NUP50: variants seen among roughly 807,000 people sequenced by gnomAD.
NUP50 encodes nuclear pore complex protein Nup50.
In NUP50, 14 loss-of-function variants were observed where a neutral mutation model predicts 36.8. The ratio of observed to expected loss-of-function variants is 0.38; its 90% CI spans 0.25 to 0.59. The LOEUF is 0.59. NUP50 is among the 20% of genes least tolerant of loss of function. The pLI, the probability that NUP50 is intolerant of heterozygous loss-of-function variation, is 0.63. For synonymous variants in NUP50, 195 were observed against 210.8 expected (o/e 0.93, Z 0.65); for missense variants, 455 against 564.6 (o/e 0.81, Z 1.97).
chr22:45,170,121 C>T lies in NUP50; in HGVS notation c.70-1479C>T, dbSNP rs569216629. On this transcript the variant is annotated intron_variant, in intron 2 of 7. Transcript: ENST00000347635. ...GGGAAGGGCCCCTGTCCCATGATCA[C>T]GTGACTTGCTTGACCTTGTCAATCC... is the stretch of plus-strand genomic sequence containing the variant. Among the ~76,000 whole-genome samples, 23 of 152,302 alleles carry T rather than the reference C, an allele frequency of 1.5e-4. 1 individual carries two copies. Among genetic ancestry groups the T allele is most frequent in the Admixed American group, 1.3e-3 (20 of 15,288 alleles).
At chr22:45,181,718 G>A (rs1569056151) in intron 6 of NUP50, among the ~76,000 whole-genome samples, 1 of 151,836 alleles carries the variant, frequency 6.6e-6, no homozygotes, top group Admixed American at 6.6e-5. Flanking sequence ...CAAAGAAATC[G>A]CAGAGTCAGT....
chr22:45,170,353 C>T (rs1045481964), intron 2 of NUP50, among the ~76,000 whole-genome samples: 3 of 152,124 alleles, frequency 2.0e-5, no homozygotes, highest in Admixed American at 6.5e-5. Context: ...CCGCAAAGCC[C>T]AGTAGGGCTG....
intron 5 of NUP50, 109 bp downstream of exon 5, chr22:45,179,009 G>A: frequency 9.6e-7 from 1 of 1,046,174 alleles, no homozygotes; most frequent in South Asian, 1.7e-5. Context: ...TTGAGACGTT[G>A]TTCTCTCCAT....
intron 1 of NUP50, among the ~76,000 whole-genome samples, chr22:45,167,244 G>A (rs905651280): frequency 2.0e-5 from 3 of 152,208 alleles, no homozygotes; most frequent in South Asian, 2.1e-4. Flanking sequence ...GTTTTTGGGC[G>A]AGGTGGGTAG....
At chr22:45,182,142 T>TA (rs1003923420) in intron 6 of NUP50, among the ~76,000 whole-genome samples, 5 of 152,028 alleles carry the variant, frequency 3.3e-5, no homozygotes, top group African/African-American at 1.2e-4. Flanking sequence ...TTTTTTTTTT[T>TA]AATTAGAATC....
chr22:45,182,564 G>A (rs980827693), intron 6 of NUP50, among the ~76,000 whole-genome samples: 32 of 146,728 alleles, frequency 2.2e-4, no homozygotes, highest in Admixed American at 1.2e-3. Context: ...ACCCAAGAAT[G>A]TTTTCCAAAT....
At chr22:45,169,808 G>C (rs934337345) in intron 2 of NUP50, among the ~76,000 whole-genome samples, 2 of 152,222 alleles carry the variant, frequency 1.3e-5, no homozygotes, top group African/African-American at 4.8e-5. Context: ...ACTTGGAGGA[G>C]TCAGGGAACA....
intron 3 of NUP50, among the ~76,000 whole-genome samples, chr22:45,173,915 A>G (rs1464647649): frequency 6.6e-6 from 1 of 152,218 alleles, no homozygotes; most frequent in African/African-American, 2.4e-5. Context: ...TGAAGTTTTC[A>G]TATATTAGGA....
At chr22:45,173,076 C>T (rs1156890622) in intron 3 of NUP50, among the ~76,000 whole-genome samples, 2 of 152,086 alleles carry the variant, frequency 1.3e-5, no homozygotes, top group African/African-American at 2.4e-5. Flanking sequence ...CATTTCCTGA[C>T]GTTGTAAAAG....
At position 45,187,201 on chromosome 22, in the gene NUP50, C is replaced by G. The variant is rs183069900; in HGVS notation, c.*2546C>G. 247 of 144,692 alleles carry G rather than the reference C, an allele frequency of 1.7e-3. 3 individuals are homozygous for G. The highest frequency in any genetic ancestry group is 5.3e-3 in the African/African-American group (207 of 39,178). 9.0% of individuals were successfully genotyped at this position (144,692 alleles called of 1,614,324 possible). On this transcript the variant is annotated 3_prime_UTR_variant, in exon 8 of 8. Transcript: ENST00000347635. The stretch of plus-strand genomic sequence containing the variant: ...TTTTTTTTAAAACCTGTGTATCCAT[C>G]TCATCCTTTTGCGCATTCCTAGTAA...
intron 4 of NUP50, among the ~76,000 whole-genome samples, chr22:45,176,287 C>T (rs776033440): frequency 1.8e-4 from 27 of 152,252 alleles, no homozygotes; most frequent in Non-Finnish European, 3.1e-4. Flanking sequence ...AACATCTCAG[C>T]TTTGTTCTCA....
chr22:45,185,511 G>C lies in NUP50; in HGVS notation c.*856G>C, dbSNP rs1168442416. The C allele has an allele frequency of 6.6e-6, 1 of 152,064 alleles. No homozygotes were observed. The highest frequency in any genetic ancestry group is 1.5e-5 in the Non-Finnish European group (1 of 68,010). The allele number at this position is 152,064 out of a possible 1,614,324, so 9.4% of individuals were successfully genotyped here. A position where few individuals can be genotyped will look rare whatever the true frequency, so the allele number is the denominator to read the frequency against. On this transcript the variant is annotated 3_prime_UTR_variant, in exon 8 of 8. Coordinates refer to ENST00000347635, the MANE Select transcript of NUP50 (RefSeq NM_007172.4). ...GAGAAAAAGATGCGCATAGGCATTT[G>C]TACCATGATCAACCCCACGCACATG... is the stretch of plus-strand genomic sequence containing the variant.
At chr22:45,171,571 A>G (rs555395729) in intron 2 of NUP50, 29 bp from the exon 3 acceptor site, 1 of 1,586,670 alleles carries the variant, frequency 6.3e-7, no homozygotes, top group Admixed American at 1.7e-5. Context: ...GCTTTATCTT[A>G]CTGCTGCTTA....
intron 2 of NUP50, among the ~76,000 whole-genome samples, chr22:45,170,814 C>CAT (rs1476915038): frequency 6.6e-6 from 1 of 152,198 alleles, no homozygotes; most frequent in Non-Finnish European, 1.5e-5. Flanking sequence ...CCCATTCGAA[C>CAT]ATATGCCAAT....
At chr22:45,183,582 CT>C in intron 7 of NUP50, 62 bp downstream of exon 7, 1 of 1,027,626 alleles carries the variant, frequency 9.7e-7, no homozygotes, top group Non-Finnish European at 1.5e-6. Context: ...AGCGTTTACC[CT>C]GCTGACTCAA....
At chr22:45,166,674 A>G (rs1409862742) in intron 1 of NUP50, among the ~76,000 whole-genome samples, 1 of 140,130 alleles carries the variant, frequency 7.1e-6, no homozygotes, top group Non-Finnish European at 1.5e-5. Context: ...ATGAGTAGGA[A>G]AATTGCCAAA....
At chr22:45,168,042 CT>C (rs1258381584) in intron 1 of NUP50, 125 bp from the exon 2 acceptor site, 32 of 707,696 alleles carry the variant, frequency 4.5e-5, no homozygotes, top group Non-Finnish European at 6.4e-5. Context: ...TTTCCAGATG[CT>C]TTTTTTCCCT....
chr22:45,179,622 C>A (rs889991066), intron 5 of NUP50, among the ~76,000 whole-genome samples: 2 of 152,226 alleles, frequency 1.3e-5, no homozygotes, highest in African/African-American at 2.4e-5. Context: ...AGGTGGCCCA[C>A]ACCTGTAATC....
At position 45,178,255 on chromosome 22, in the gene NUP50, G is replaced by T. The variant is rs1198900287; in HGVS notation, c.358G>T (p.Gly120Cys). ...KVAFGSLAANGPTTLVDKVSN... is the reference protein window; with the variant it reads ...KVAFGSLAANCPTTLVDKVSN... The stretch of plus-strand genomic sequence containing the variant: ...TTCTATAGGTTCTCTTGCTGCAAAT[G>T]GCCCTACCACCTTGGTTGATAAAGT... The change falls in exon 5 of 8, where the codon GGC becomes TGC. Residue 120 changes from glycine to cysteine, a missense_variant. This residue lies in a region of NUP50 where 166 missense variants were observed against 202.8 expected (regional missense o/e 0.82). Coordinates refer to ENST00000347635, the MANE Select transcript of NUP50 (RefSeq NM_007172.4). The T allele has an allele frequency of 1.9e-6, 3 of 1,613,320 alleles. No individual in the cohort carries two copies. The South Asian group carries it at 3.3e-5, about 18-fold the overall frequency.
Sources: allele counts gnomAD v4.1 joint callset (sites outside exome capture counted in the v4.1 genomes callset), GRCh38; gene constraint gnomAD v4.1.1; regional missense constraint gnomAD v4.1.1; transcripts MANE v1.5; gene names NCBI Gene and HGNC (gene_info 2026-07-23, HGNC 2026-07-21).